PTPRZ1: variants seen among roughly 807,000 people sequenced by gnomAD.
The protein encoded by PTPRZ1 is receptor-type tyrosine-protein phosphatase zeta.
In PTPRZ1, 82 loss-of-function variants were observed where a neutral mutation model predicts 214.1. The observed-to-expected ratio is 0.38, with a 90% confidence interval of 0.32 to 0.46. PTPRZ1 has a LOEUF of 0.46. PTPRZ1 is among the 20% of genes least tolerant of loss of function. PTPRZ1 has a pLI of 1.00. For missense variants in PTPRZ1, 2,603 were observed against 2,748.7 expected, an observed-to-expected ratio of 0.95 and a Z score of 1.19; for synonymous variants, 945 against 987.9, an observed-to-expected ratio of 0.96 and a Z score of 0.81.
chr7:121,941,766 C>T (rs1796244855), intron 2 of PTPRZ1, among the ~76,000 whole-genome samples: 1 of 152,178 alleles, frequency 6.6e-6, no homozygotes, highest in Non-Finnish European at 1.5e-5. Context: ...CCTATTTCTA[C>T]TTCACTGTAC....
chr7:122,023,615 TTA>T (rs981056155), intron 13 of PTPRZ1, among the ~76,000 whole-genome samples: 6 of 131,628 alleles, frequency 4.6e-5, no homozygotes, highest in East Asian at 2.0e-4. Flanking sequence ...TTATATATAA[TTA>T]TATATATTAT....
chr7:121,873,505 A>G lies in PTPRZ1; in HGVS notation c.6A>G (p.Arg2=). 1 of 1,613,984 alleles carries G rather than the reference A, an allele frequency of 6.2e-7. No individual in the cohort carries two copies. ...GGGCCGCAGACCGTCTGGAAATGCGAATCCTAAAGCGTTTCCTCGCTTGCA... is the reference window on the plus strand; with the variant it reads ...GGGCCGCAGACCGTCTGGAAATGCGGATCCTAAAGCGTTTCCTCGCTTGCA... M[R]ILKRFLACIQ... is the part of the protein sequence containing the mutation. Residue 2 remains arginine (R), a synonymous_variant, in exon 1 of 30, where the codon CGA becomes CGG. Transcript: ENST00000393386.
chr7:122,046,629 G>C (rs1041312900), intron 23 of PTPRZ1, among the ~76,000 whole-genome samples: 2 of 152,166 alleles, frequency 1.3e-5, no homozygotes, highest in South Asian at 4.2e-4. Context: ...CTCAGATTCT[G>C]TTTGGGCACT....
chr7:121,975,491 G>C (rs780175897), intron 4 of PTPRZ1, among the ~76,000 whole-genome samples: 1 of 152,166 alleles, frequency 6.6e-6, no homozygotes, highest in Non-Finnish European at 1.5e-5. Context: ...AGGAGCCACT[G>C]CTATCCTCTG....
At chr7:121,995,970 T>C (rs562645919) in intron 8 of PTPRZ1, among the ~76,000 whole-genome samples, 11 of 152,344 alleles carry the variant, frequency 7.2e-5, no homozygotes, top group Non-Finnish European at 1.5e-4. Context: ...CTAGGCAATA[T>C]AGAACTACAG....
chr7:121,921,557 C>A (rs1428516076), intron 1 of PTPRZ1, among the ~76,000 whole-genome samples: 1 of 152,040 alleles, frequency 6.6e-6, no homozygotes. Context: ...TAAACTTATT[C>A]TTAAATAAAG....
rs756244648 is a variant in PTPRZ1 at position 122,061,251 on chromosome 7, A to C, written c.*31A>C. ...AAAGGGGTGGGGGAACTCACATCTGAGCATTGTTTTCCTCTTCCTAAAATT... is the reference window on the plus strand; with the variant it reads ...AAAGGGGTGGGGGAACTCACATCTGCGCATTGTTTTCCTCTTCCTAAAATT... On this transcript the variant is annotated 3_prime_UTR_variant, in exon 30 of 30. Coordinates refer to ENST00000393386, the MANE Select transcript of PTPRZ1 (RefSeq NM_002851.3). 6.6e-7 allele frequency: 1 copy of C among 1,515,240 alleles called. No individual in the cohort carries two copies. The highest frequency in any genetic ancestry group is 8.9e-7 in the Non-Finnish European group (1 of 1,120,130). 93.9% of individuals were successfully genotyped at this position (1,515,240 alleles called of 1,614,324 possible).
At chr7:121,875,754 T>C (rs1286055687) in intron 1 of PTPRZ1, among the ~76,000 whole-genome samples, 3 of 152,220 alleles carry the variant, frequency 2.0e-5, no homozygotes, top group East Asian at 1.9e-4. Context: ...AACATAAATA[T>C]CTTGATCTTG....
chr7:121,997,057 C>T (rs1798165491), intron 9 of PTPRZ1, among the ~76,000 whole-genome samples: 1 of 152,116 alleles, frequency 6.6e-6, no homozygotes, highest in Non-Finnish European at 1.5e-5. Context: ...ACATTTCTTA[C>T]AAAAAGATCC....
chr7:122,054,810 G>A (rs779815052), intron 26 of PTPRZ1, 131 bp from the exon 27 acceptor site: 1 of 872,512 alleles, frequency 1.1e-6, no homozygotes, highest in Non-Finnish European at 1.7e-6. Context: ...AAGATGTTAA[G>A]AGTAAATATT....
intron 2 of PTPRZ1, among the ~76,000 whole-genome samples, chr7:121,956,669 G>A (rs1347920495): frequency 1.3e-5 from 2 of 152,244 alleles, no homozygotes; most frequent in African/African-American, 4.8e-5. Context: ...TGGGATTCCG[G>A]TCCCAACAGA....
At position 121,926,302 on chromosome 7, in the gene PTPRZ1, C is replaced by CA. The variant is rs34447356; in HGVS notation, c.59-1840dup. ...CCTGGGCTACAGAGCAAGATTCTGT[C>CA]AAAAAAAAAAAAAAGGATTACAATT... On this transcript the variant is annotated intron_variant, in intron 1 of 29. Coordinates refer to ENST00000393386, the MANE Select transcript of PTPRZ1 (RefSeq NM_002851.3). Among the ~76,000 whole-genome samples the CA allele has an allele frequency of 2.5e-3, 320 of 130,538 alleles. 6 individuals are homozygous for CA. Among genetic ancestry groups the CA allele is most frequent in the East Asian group, 5.8e-3 (26 of 4,466 alleles). The allele number at this position is 130,538 out of a possible 152,430, so 85.6% of individuals were successfully genotyped here.
intron 9 of PTPRZ1, 61 bp from the exon 10 acceptor site, chr7:121,997,819 C>CTAG (rs1451178626): frequency 3.0e-5 from 44 of 1,447,762 alleles, no homozygotes; most frequent in Non-Finnish European, 3.9e-5. Flanking sequence ...GGAAAGATAC[C>CTAG]TAGTGTGTTG....
chr7:121,962,849 T>C (rs1228999003), intron 2 of PTPRZ1, among the ~76,000 whole-genome samples: 1 of 151,928 alleles, frequency 6.6e-6, no homozygotes, highest in Non-Finnish European at 1.5e-5. Flanking sequence ...CAGGTGTGAG[T>C]CACCACACCC....
intron 1 of PTPRZ1, among the ~76,000 whole-genome samples, chr7:121,921,826 C>A (rs879420345): frequency 6.6e-6 from 1 of 151,964 alleles, no homozygotes. Context: ...TTTGGTTACA[C>A]CTGAAGTGGT....
At chr7:121,998,072 A>G (rs1371093892) in intron 10 of PTPRZ1, 66 bp downstream of exon 10, 1 of 1,484,798 alleles carries the variant, frequency 6.7e-7, no homozygotes, top group African/African-American at 1.4e-5. Context: ...TACTGTATGC[A>G]TTGATGCTTT....
At chr7:121,886,911 G>C (rs118139146) in intron 1 of PTPRZ1, among the ~76,000 whole-genome samples, 1 of 151,962 alleles carries the variant, frequency 6.6e-6, no homozygotes, top group Non-Finnish European at 1.5e-5. Flanking sequence ...CTCTTACCAG[G>C]GCATGCAAAG....
chr7:122,024,342 A>G (rs1358239295), intron 13 of PTPRZ1, among the ~76,000 whole-genome samples: 2 of 152,126 alleles, frequency 1.3e-5, no homozygotes. Flanking sequence ...TATCAAAAGC[A>G]ATATAGAAAA....
intron 26 of PTPRZ1, among the ~76,000 whole-genome samples, chr7:122,054,496 T>A (rs1177597611): frequency 6.6e-6 from 1 of 151,986 alleles, no homozygotes; most frequent in African/African-American, 2.4e-5. Context: ...CGATATCCCA[T>A]CCCCCTCTTT....
Sources: gnomAD v4.1 joint callset for allele counts (sites outside exome capture counted in the v4.1 genomes callset) on GRCh38, gnomAD v4.1.1 for gene constraint, MANE v1.5 for transcripts, NCBI Gene and HGNC (gene_info 2026-07-23, HGNC 2026-07-21) for gene names.